Variants in MINPP1 observed in about 807,000 individuals in gnomAD.
MINPP1 encodes multiple inositol-polyphosphate phosphatase 1.
Under a neutral mutation model 46.1 loss-of-function variants are expected in MINPP1, and 28 were observed. The ratio of observed to expected loss-of-function variants is 0.61; its 90% CI spans 0.45 to 0.83. The LOEUF (loss-of-function observed/expected upper bound fraction) is 0.83. MINPP1 is among the 40% of genes least tolerant of loss of function. The pLI is 0.00. For missense variants in MINPP1, 603 were observed against 610.0 expected (o/e 0.99, Z 0.12); for synonymous variants, 268 against 249.1 (o/e 1.08, Z -0.72).
intron 3 of MINPP1, among the ~76,000 whole-genome samples, chr10:87,513,822 G>A (rs2311115): frequency 0.59 from 90,231 of 151,888 alleles, 27,433 homozygotes; most frequent in Non-Finnish European, 0.67. Flanking sequence ...TGGTTCTGGA[G>A]GTCAGAAGTT....
At chr10:87,528,780 C>T (rs1352543582) in intron 4 of MINPP1, among the ~76,000 whole-genome samples, 2 of 152,110 alleles carry the variant, frequency 1.3e-5, no homozygotes, top group Non-Finnish European at 2.9e-5. Flanking sequence ...CTTTCTGTTT[C>T]GTTGATCTGT....
In MINPP1 at chr10:87,505,541, C is replaced by G. The variant is rs1427799036; in HGVS notation, c.626C>G (p.Pro209Arg). ...WQHYHPGLPP[P>R]DVADMEFGPP... ...CACTACCACCCTGGCTTGCCGCCGC[C>G]GGACGTCGCAGGTGACCCCCCGGGC... The change falls in exon 1 of 5, where the codon CCG (proline) becomes CGG (arginine). Residue 209 changes from proline (P) to arginine (R), a missense_variant. Pro to Arg is a moderately radical substitution (Grantham distance 103). Coordinates refer to ENST00000371996, the MANE Select transcript of MINPP1 (RefSeq NM_004897.5). The surrounding 1 kb of genome is among the most constrained non-coding windows in gnomAD (Gnocchi z 4.4). 1.9e-6 allele frequency: 3 copies of G among 1,606,464 alleles called. No homozygotes were observed. The highest frequency in any genetic ancestry group is 1.3e-5 in the African/African-American group (1 of 74,856).
At chr10:87,541,211 G>A (rs1175238446) in intron 4 of MINPP1, among the ~76,000 whole-genome samples, 1 of 152,158 alleles carries the variant, frequency 6.6e-6, no homozygotes, top group Non-Finnish European at 1.5e-5. Flanking sequence ...CTCTTTGGAA[G>A]CTCTTTTGGT....
chr10:87,505,023 G>A lies in MINPP1; in HGVS notation c.108G>A (p.Arg36=). ...CGCGCTGCTCTCTTCTAGAGCCGAGGGACCCGGTGGCCTCGTCGCTCAGCC... is the reference window on the plus strand; with the variant it reads ...CGCGCTGCTCTCTTCTAGAGCCGAGAGACCCGGTGGCCTCGTCGCTCAGCC... ...SLARCSLLEP[R]DPVASSLSPY... is the part of the protein sequence containing the mutation. The change falls in exon 1 of 5, where the codon AGG becomes AGA. Residue 36 remains arginine (R), a synonymous_variant. Coordinates refer to ENST00000371996, the MANE Select transcript of MINPP1 (RefSeq NM_004897.5). The surrounding 1 kb of genome is among the most constrained non-coding windows in gnomAD (Gnocchi z 4.4). The A allele has an allele frequency of 6.2e-7, 1 of 1,613,142 alleles. No individual in the cohort carries two copies. Among genetic ancestry groups the A allele is most frequent in the Non-Finnish European group, 8.5e-7 (1 of 1,179,894 alleles).
In MINPP1 at chr10:87,505,052, A is replaced by G. The variant is rs773513991; in HGVS notation, c.137A>G (p.Tyr46Cys). 46 of 1,613,148 alleles carry G rather than the reference A, an allele frequency of 2.9e-5. No homozygotes were observed. The highest frequency in any genetic ancestry group is 3.5e-5 in the Non-Finnish European group (41 of 1,179,872). ...RDPVASSLSP[Y>C]FGTKTRYEDV... ...CCGGTGGCCTCGTCGCTCAGCCCCT[A>G]TTTCGGCACCAAGACTCGCTACGAG... Residue 46 changes from tyrosine to cysteine, a missense_variant, in exon 1 of 5, where the codon TAT (tyrosine) becomes TGT (cysteine). This residue lies in a region of MINPP1 where 239 missense variants were observed against 189.4 expected (regional missense o/e 1.26). Transcript: ENST00000371996. The surrounding 1 kb of genome is among the most constrained non-coding windows in gnomAD (Gnocchi z 4.4).
At chr10:87,527,643 A>T (rs1296815549) in intron 4 of MINPP1, among the ~76,000 whole-genome samples, 5 of 151,454 alleles carry the variant, frequency 3.3e-5, no homozygotes, top group Non-Finnish European at 5.9e-5. Context: ...ATGGTGGATA[A>T]GCTCATCAGG....
intron 2 of MINPP1, 121 bp from the exon 3 acceptor site, chr10:87,513,002 TC>T: frequency 2.7e-6 from 2 of 736,214 alleles, no homozygotes; most frequent in South Asian, 3.1e-5. Flanking sequence ...AATTATTTCT[TC>T]CCCAAACTGA....
chr10:87,517,504 C>T lies in MINPP1; in HGVS notation c.934-3532C>T, dbSNP rs184544884. On this transcript the variant is annotated intron_variant, in intron 3 of 4. Coordinates refer to ENST00000371996, the MANE Select transcript of MINPP1 (RefSeq NM_004897.5). ...AAGTCATCAGCCTGTATATTTAAAT[C>T]ATGTGTATGTAAATTACAATTTAAT... 9.7e-3 allele frequency among the ~76,000 whole-genome samples: 1,481 copies of T among 151,938 alleles called. 22 individuals carry two copies. The highest frequency in any genetic ancestry group is 0.034 in the African/African-American group (1,396 of 41,446).
Position 87,553,407 on chromosome 10 carries a change from T to G in MINPP1, c.*929T>G, listed in dbSNP as rs1435393438. ...GACTTTACTACCAGGACTTTTCTCTTCCCCATGTCAAAATACAATCAATAA... is the reference window on the plus strand; with the variant it reads ...GACTTTACTACCAGGACTTTTCTCTGCCCCATGTCAAAATACAATCAATAA... On this transcript the variant is annotated 3_prime_UTR_variant, in exon 5 of 5. Transcript: ENST00000371996. 1.3e-5 allele frequency: 2 copies of G among 152,138 alleles called. No homozygotes were observed. Among genetic ancestry groups the G allele is most frequent in the Non-Finnish European group, 2.9e-5 (2 of 68,020 alleles). The allele number at this position is 152,138 out of a possible 1,614,324, so 9.4% of individuals were successfully genotyped here.
At chr10:87,532,579 A>G (rs1851675599) in intron 4 of MINPP1, among the ~76,000 whole-genome samples, 1 of 152,352 alleles carries the variant, frequency 6.6e-6, no homozygotes, top group South Asian at 2.1e-4. Flanking sequence ...GGGACTGGGT[A>G]TCTCTGTACT....
At chr10:87,544,184 C>T (rs1469482798) in intron 4 of MINPP1, among the ~76,000 whole-genome samples, 7 of 152,208 alleles carry the variant, frequency 4.6e-5, no homozygotes, top group Non-Finnish European at 1.0e-4. Context: ...TCTTTGGGTT[C>T]ACTTAATTTC....
At chr10:87,517,611 A>T (rs1411298338) in intron 3 of MINPP1, among the ~76,000 whole-genome samples, 3 of 152,252 alleles carry the variant, frequency 2.0e-5, no homozygotes, top group African/African-American at 7.2e-5. Context: ...ATATTCCATT[A>T]TATGAATATT....
intron 4 of MINPP1, among the ~76,000 whole-genome samples, chr10:87,529,068 C>T (rs886173437): frequency 3.3e-5 from 5 of 152,072 alleles, no homozygotes. Flanking sequence ...CTTGGTAGAT[C>T]TTCCACCATC....
chr10:87,537,696 G>T (rs1318296972), intron 4 of MINPP1, among the ~76,000 whole-genome samples: 1 of 151,958 alleles, frequency 6.6e-6, no homozygotes, highest in Non-Finnish European at 1.5e-5. Flanking sequence ...GTATTTATAT[G>T]TACCCTGTGT....
Position 87,504,978 on chromosome 10 carries a change from G to GGCGCTGCTCTCGTCGCTTGC in MINPP1, c.75_94dup (p.Leu32ArgfsTer9). 1 of 1,612,220 alleles carries GGCGCTGCTCTCGTCGCTTGC rather than the reference G, an allele frequency of 6.2e-7. No homozygotes were observed. The highest frequency in any genetic ancestry group is 8.5e-7 in the Non-Finnish European group (1 of 1,179,622). ...TAGCGCCTGCCGCGGCCCTGGCTGC[G>GGCGCTGCTCTCGTCGCTTGC]GCGCTGCTCTCGTCGCTTGCGCGCT... On this transcript the variant is annotated frameshift_variant, in exon 1 of 5. Coordinates refer to ENST00000371996, the MANE Select transcript of MINPP1 (RefSeq NM_004897.5). LOFTEE classifies it high-confidence loss of function.
chr10:87,528,765 G>A (rs913867973), intron 4 of MINPP1, among the ~76,000 whole-genome samples: 42 of 152,280 alleles, frequency 2.8e-4, no homozygotes, highest in African/African-American at 9.1e-4. Context: ...GGATATCCTT[G>A]TTAACTTTCT....
chr10:87,552,618 T>C lies in MINPP1; in HGVS notation c.*140T>C, dbSNP rs1307489033. The C allele has an allele frequency of 2.3e-6, 2 of 864,386 alleles. No homozygotes were observed. The highest frequency in any genetic ancestry group is 3.6e-6 in the Non-Finnish European group (2 of 557,946). 53.5% of individuals were successfully genotyped at this position (864,386 alleles called of 1,614,324 possible). Reference sequence around the variant, plus strand: ...TCTTTTCACAGAAAAACATTGGGTTTCTCTCTGGGTTTGGACATGAAATGT... The same window carrying C: ...TCTTTTCACAGAAAAACATTGGGTTCCTCTCTGGGTTTGGACATGAAATGT... On this transcript the variant is annotated 3_prime_UTR_variant, in exon 5 of 5. Transcript: ENST00000371996.
At chr10:87,520,057 AGTGTGTGT>A (rs141533495) in intron 3 of MINPP1, among the ~76,000 whole-genome samples, 1 of 147,362 alleles carries the variant, frequency 6.8e-6, no homozygotes, top group Non-Finnish European at 1.5e-5. Context: ...TAAAAGGTAT[AGTGTGTGT>A]GTGTGTGTGT....
intron 4 of MINPP1, among the ~76,000 whole-genome samples, chr10:87,526,636 A>C (rs918433090): frequency 2.0e-5 from 3 of 152,180 alleles, no homozygotes; most frequent in Non-Finnish European, 4.4e-5. Context: ...TATGTCCTGA[A>C]TAGTACTGCC....
Sources: allele counts gnomAD v4.1 joint callset (sites outside exome capture counted in the v4.1 genomes callset), GRCh38; gene constraint gnomAD v4.1.1; regional missense constraint gnomAD v4.1.1; non-coding constraint Gnocchi (gnomAD v3.1); transcripts MANE v1.5; gene names NCBI Gene and HGNC (gene_info 2026-07-23, HGNC 2026-07-21).